The following THSD7A variants were observed in gnomAD, a reference collection of about 807,000 sequenced individuals.
THSD7A encodes the protein thrombospondin type-1 domain-containing protein 7A.
THSD7A carries 96 observed loss-of-function variants against 231.3 expected under a neutral mutation model. The observed-to-expected ratio is 0.41, with a 90% CI of 0.35 to 0.49. The LOEUF (loss-of-function observed/expected upper bound fraction) is 0.49, where lower values mean the gene tolerates loss of function less well. THSD7A is among the 20% of genes least tolerant of loss of function. The probability of loss-of-function intolerance (pLI) is 0.05; values close to 1 mark genes in which losing one functional copy is unlikely to be tolerated. For synonymous variants in THSD7A, 940 were observed against 743.3 expected (o/e 1.26, Z -4.30); for missense variants, 2,290 against 2,070.2 (o/e 1.11, Z -2.06).
intron 1 of THSD7A, among the ~76,000 whole-genome samples, chr7:11,710,759 G>A (rs34244292): frequency 0.25 from 38,398 of 150,624 alleles, 5,043 homozygotes; most frequent in Admixed American, 0.3. Flanking sequence ...TTTGTTACAT[G>A]CCCCTATTTA....
At chr7:11,760,097 AGATGAT>A (rs1324539290) in intron 1 of THSD7A, among the ~76,000 whole-genome samples, 1 of 152,128 alleles carries the variant, frequency 6.6e-6, no homozygotes, top group Non-Finnish European at 1.5e-5. Flanking sequence ...AAGAAGAGAA[AGATGAT>A]GATAGACACC....
At chr7:11,825,609 T>A (rs1292053314) in intron 1 of THSD7A, among the ~76,000 whole-genome samples, 2 of 152,190 alleles carry the variant, frequency 1.3e-5, no homozygotes, top group Non-Finnish European at 2.9e-5. Context: ...TTTACTGAAC[T>A]TTTAATATGT....
chr7:11,770,991 C>T (rs5023888), intron 1 of THSD7A, among the ~76,000 whole-genome samples: 61,680 of 150,900 alleles, frequency 0.41, 12,989 homozygotes, highest in Middle Eastern at 0.49. Context: ...TTTTTTGATA[C>T]ATAGAAGACT....
At chr7:11,604,896 TC>T (rs1239633207) in intron 2 of THSD7A, among the ~76,000 whole-genome samples, 5 of 152,006 alleles carry the variant, frequency 3.3e-5, no homozygotes, top group African/African-American at 1.2e-4. Flanking sequence ...TTCTTAGAAA[TC>T]ACAAGCATAT....
intron 7 of THSD7A, among the ~76,000 whole-genome samples, chr7:11,477,535 CTTTA>C (rs1451491118): frequency 2.0e-5 from 3 of 151,898 alleles, no homozygotes; most frequent in Non-Finnish European, 2.9e-5. Flanking sequence ...GAATTTATTC[CTTTA>C]TTTATTTATA....
Position 11,721,392 on chromosome 7 carries a change from A to G in THSD7A, c.191-84431T>C, listed in dbSNP as rs1029791735. On this transcript the variant is annotated intron_variant, in intron 1 of 27. Transcript: ENST00000423059. ...ATCTAGCTGTTTAAAGGTGTGTAGC[A>G]TCTCCACTTTTGGTCTCTTTCCTCC... Among the ~76,000 whole-genome samples, 25 of 151,680 alleles carry G rather than the reference A, an allele frequency of 1.6e-4. 1 individual carries two copies. Among genetic ancestry groups the G allele is most frequent in the Admixed American group, 1.3e-3 (20 of 15,156 alleles).
chr7:11,450,052 C>A (rs927093312), intron 11 of THSD7A, among the ~76,000 whole-genome samples: 2 of 152,004 alleles, frequency 1.3e-5, no homozygotes, highest in African/African-American at 4.8e-5. Flanking sequence ...CTCTTTGAAA[C>A]AGACTTCAAT....
intron 1 of THSD7A, among the ~76,000 whole-genome samples, chr7:11,716,958 C>G (rs780703870): frequency 6.6e-6 from 1 of 151,586 alleles, no homozygotes; most frequent in African/African-American, 2.4e-5. Context: ...AATAGAACCA[C>G]CTTTCTCACC....
chr7:11,517,887 T>C (rs1365290358), intron 6 of THSD7A, among the ~76,000 whole-genome samples: 2 of 152,190 alleles, frequency 1.3e-5, no homozygotes, highest in African/African-American at 4.8e-5. Context: ...AATTTACAAA[T>C]CTTTCCGGAC....
intron 1 of THSD7A, among the ~76,000 whole-genome samples, chr7:11,790,049 A>G (rs1783902339): frequency 6.6e-6 from 1 of 152,070 alleles, no homozygotes; most frequent in African/African-American, 2.4e-5. Context: ...TTCAATATTT[A>G]TTTGAAAATT....
Position 11,636,449 on chromosome 7 carries a change from G to A in THSD7A, c.703C>T (p.Leu235=), listed in dbSNP as rs1401034895. ...GATTGGCACACCTGGAACTCCGTCA[G>A]GTTTGGACAGCCAGAGCCTCCGAAC... is the stretch of plus-strand genomic sequence containing the variant. ...PQFGGSGCPN[L]TEFQVCQSSP... Residue 235 remains leucine (L), a synonymous_variant, in exon 2 of 28, where the codon CTG becomes TTG. Transcript: ENST00000423059. This position sits in a 1 kb window ranked among gnomAD's most constrained non-coding sequence, Gnocchi z 10.0. The A allele has an allele frequency of 6.2e-7, 1 of 1,613,622 alleles. No homozygotes were observed.
At chr7:11,651,322 T>C (rs887372639) in intron 1 of THSD7A, among the ~76,000 whole-genome samples, 7 of 151,966 alleles carry the variant, frequency 4.6e-5, no homozygotes, top group South Asian at 4.1e-4. Context: ...AGTGCAGAGT[T>C]CCAGTTTCAG....
At chr7:11,534,329 G>A (rs560179677) in intron 6 of THSD7A, among the ~76,000 whole-genome samples, 1 of 152,302 alleles carries the variant, frequency 6.6e-6, no homozygotes, top group African/African-American at 2.4e-5. Flanking sequence ...CTAGCAGAAT[G>A]TGGACGAAGT....
intron 23 of THSD7A, among the ~76,000 whole-genome samples, chr7:11,386,560 TG>T (rs1335125855): frequency 6.6e-6 from 1 of 152,200 alleles, no homozygotes; most frequent in African/African-American, 2.4e-5. Flanking sequence ...TTGATGGCAT[TG>T]TTTTTTTCTT....
chr7:11,417,091 A>T (rs1406955656), intron 17 of THSD7A, among the ~76,000 whole-genome samples: 1 of 152,242 alleles, frequency 6.6e-6, no homozygotes, highest in Non-Finnish European at 1.5e-5. Context: ...TGACACCATT[A>T]AAGTACCTTT....
chr7:11,713,511 T>C (rs900832849), intron 1 of THSD7A, among the ~76,000 whole-genome samples: 16 of 151,258 alleles, frequency 1.1e-4, no homozygotes, highest in Non-Finnish European at 3.0e-5. Flanking sequence ...AGATTACTCA[T>C]GGAGGCATAA....
chr7:11,435,739 T>C (rs1784613451), intron 13 of THSD7A, among the ~76,000 whole-genome samples: 1 of 151,768 alleles, frequency 6.6e-6, no homozygotes, highest in African/African-American at 2.4e-5. Flanking sequence ...GTGGTAAATA[T>C]ATTGCTTTTC....
At chr7:11,771,944 G>A (rs1246383516) in intron 1 of THSD7A, among the ~76,000 whole-genome samples, 1 of 152,170 alleles carries the variant, frequency 6.6e-6, no homozygotes, top group East Asian at 1.9e-4. Flanking sequence ...TGATGTGTGT[G>A]CTCTCCTTTC....
At chr7:11,558,041 G>C (rs1162148878) in intron 4 of THSD7A, among the ~76,000 whole-genome samples, 1 of 152,104 alleles carries the variant, frequency 6.6e-6, no homozygotes, top group Non-Finnish European at 1.5e-5. Context: ...CCTTTGGCTA[G>C]AAAGAGCAGG....
Sources: gnomAD v4.1 joint callset for allele counts (sites outside exome capture counted in the v4.1 genomes callset) on GRCh38, gnomAD v4.1.1 for gene constraint, Gnocchi (gnomAD v3.1) non-coding constraint, MANE v1.5 for transcripts, NCBI Gene and HGNC (gene_info 2026-07-23, HGNC 2026-07-21) for gene names.